The following ZFPM1 variants were observed in gnomAD, a reference collection of about 807,000 sequenced individuals.
ZFPM1 encodes the protein zinc finger protein ZFPM1.
In ZFPM1, 28 loss-of-function variants were observed where a neutral mutation model predicts 46.3. That is an observed-to-expected ratio of 0.60 (90% CI 0.45 to 0.83). The LOEUF (loss-of-function observed/expected upper bound fraction) is 0.83, where lower values mean the gene tolerates loss of function less well. Among genes scored for constraint, ZFPM1 ranks in the 40% least tolerant of loss-of-function variants. The pLI is 0.00. For missense variants in ZFPM1, 1,878 were observed against 1,432.4 expected (o/e 1.31, Z -5.02); for synonymous variants, 957 against 675.9 (o/e 1.42, Z -6.45).
chr16:88,507,373 A>G (rs1910720023), intron 3 of ZFPM1, among the ~76,000 whole-genome samples: 1 of 152,178 alleles, frequency 6.6e-6, no homozygotes, highest in African/African-American at 2.4e-5. Flanking sequence ...CATGGCCATC[A>G]GTGACCCAGC....
chr16:88,519,064 GGA>G, intron 4 of ZFPM1, among the ~76,000 whole-genome samples: 1 of 148,954 alleles, frequency 6.7e-6, no homozygotes. Flanking sequence ...ATGGATGGAT[GGA>G]TGGATGGATG....
intron 4 of ZFPM1, among the ~76,000 whole-genome samples, chr16:88,525,087 G>A (rs890696633): frequency 1.3e-5 from 2 of 152,272 alleles, no homozygotes; most frequent in African/African-American, 4.8e-5. Context: ...CCAGCCCAAA[G>A]GCTGTATCTT....
chr16:88,453,004 T>G (rs1907343952), upstream of ZFPM1, among the ~76,000 whole-genome samples: 1 of 146,452 alleles, frequency 6.8e-6, no homozygotes, highest in Non-Finnish European at 1.5e-5. Context: ...GCGGGGACAG[T>G]GCCTTGAAGG....
rs921289239 is a variant in ZFPM1 at position 88,506,395 on chromosome 16, C to T, written c.269-7992C>T. Reference sequence around the variant, plus strand: ...AGGGCGCTGGGGGGCCTTAGGCAGGCCCCTCCTTTGTTTCCCCTCAGTGAA... The same window carrying T: ...AGGGCGCTGGGGGGCCTTAGGCAGGTCCCTCCTTTGTTTCCCCTCAGTGAA... On this transcript the variant is annotated intron_variant, in intron 3 of 9. Transcript: ENST00000319555. Among the ~76,000 whole-genome samples the T allele has an allele frequency of 2.0e-5, 3 of 150,328 alleles. No homozygotes were observed. The East Asian group carries it at 6.0e-4, about 30-fold the overall frequency.
At chr16:88,506,594 G>C (rs965901621) in intron 3 of ZFPM1, among the ~76,000 whole-genome samples, 2 of 152,182 alleles carry the variant, frequency 1.3e-5, no homozygotes, top group Admixed American at 6.5e-5. Context: ...CTGAGGAGCA[G>C]AGCCATTTCC....
At chr16:88,525,564 A>G (rs923624052) in intron 4 of ZFPM1, among the ~76,000 whole-genome samples, 2 of 152,260 alleles carry the variant, frequency 1.3e-5, no homozygotes, top group Non-Finnish European at 2.9e-5. Flanking sequence ...CTGTGCCTCC[A>G]GATTGGACAC....
At chr16:88,483,957 C>T (rs530829399) in intron 1 of ZFPM1, among the ~76,000 whole-genome samples, 10 of 152,300 alleles carry the variant, frequency 6.6e-5, no homozygotes, top group African/African-American at 2.4e-4. Flanking sequence ...CTCGCATCTT[C>T]GGGGGTCTCT....
intron 3 of ZFPM1, among the ~76,000 whole-genome samples, chr16:88,491,739 G>T (rs1392117138): frequency 1.3e-5 from 2 of 152,226 alleles, no homozygotes; most frequent in African/African-American, 4.8e-5. Flanking sequence ...GGACCAGGCG[G>T]TGCCCTATCG....
In ZFPM1 at chr16:88,473,648, C is replaced by T. The variant is rs1908528781; in HGVS notation, c.41-12291C>T. ...CGGCGATGGCTCCGTGAGCCGCGGC[C>T]CCCGCCCCATCTATCAGCCCTTATC... On this transcript the variant is annotated intron_variant, in intron 1 of 9. Coordinates refer to ENST00000319555, the MANE Select transcript of ZFPM1 (RefSeq NM_153813.3). 2.0e-5 allele frequency among the ~76,000 whole-genome samples: 3 copies of T among 152,138 alleles called. No homozygotes were observed. The South Asian group carries it at 6.2e-4, about 31-fold the overall frequency.
chr16:88,514,422 C>A lies in ZFPM1; in HGVS notation c.304C>A (p.Arg102Ser). 6.4e-7 allele frequency: 1 copy of A among 1,561,032 alleles called. No homozygotes were observed. Among genetic ancestry groups the A allele is most frequent in the East Asian group, 2.4e-5 (1 of 41,940 alleles). ...LEPVVQDGQR[R>S]IRARLSLATG... Reference sequence around the variant, plus strand: ...GCCGGTGGTGCAGGATGGGCAGAGGCGCATACGGGCCCGACTCAGCCTCGC... The same window carrying A: ...GCCGGTGGTGCAGGATGGGCAGAGGAGCATACGGGCCCGACTCAGCCTCGC... Residue 102 changes from arginine to serine, a missense_variant, in exon 4 of 10, where the codon CGC becomes AGC. Transcript: ENST00000319555.
In ZFPM1 at chr16:88,489,086, G is replaced by A. The variant is rs151116544; in HGVS notation, c.201G>A (p.Glu67=). The change falls in exon 3 of 10, where the codon GAG becomes GAA. Residue 67 remains glutamate (E), a synonymous_variant. Coordinates refer to ENST00000319555, the MANE Select transcript of ZFPM1 (RefSeq NM_153813.3). The part of the protein sequence containing the change: ...PPPTSPGGPK[E]LEGQEPEPRP... ...CCACATCCCCAGGAGGCCCCAAGGA[G>A]CTGGAAGGACAGGAACCAGAACCCA... 2.6e-4 allele frequency: 424 copies of A among 1,613,172 alleles called. No individual in the cohort carries two copies. Among genetic ancestry groups the A allele is most frequent in the Non-Finnish European group, 1.2e-4 (143 of 1,179,806 alleles).
intron 3 of ZFPM1, among the ~76,000 whole-genome samples, chr16:88,511,020 C>A (rs1049197496): frequency 6.6e-6 from 1 of 152,174 alleles, no homozygotes; most frequent in Non-Finnish European, 1.5e-5. Context: ...TCTTCAGCTG[C>A]AGAGACAACC....
At chr16:88,481,368 C>T (rs1454674678) in intron 1 of ZFPM1, among the ~76,000 whole-genome samples, 1 of 152,144 alleles carries the variant, frequency 6.6e-6, no homozygotes, top group Non-Finnish European at 1.5e-5. Flanking sequence ...GGAAGGGCTA[C>T]GTGCTGGGTG....
At chr16:88,517,180 AGATGGATGGATGGATGGATG>A (rs72281150) in intron 4 of ZFPM1, among the ~76,000 whole-genome samples, 6 of 92,116 alleles carry the variant, frequency 6.5e-5, no homozygotes, top group Non-Finnish European at 6.7e-5. Flanking sequence ...ATGGATGGGT[AGATGGATGGATGGATGGATG>A]GATGGATGGA....
intron 1 of ZFPM1, among the ~76,000 whole-genome samples, chr16:88,455,930 T>G (rs1281898850): frequency 2.0e-5 from 3 of 152,114 alleles, no homozygotes; most frequent in African/African-American, 4.8e-5. Context: ...CGAGTCGATG[T>G]GAGCTCCGAT....
chr16:88,493,955 C>T (rs1909777334), intron 3 of ZFPM1, among the ~76,000 whole-genome samples: 1 of 152,204 alleles, frequency 6.6e-6, no homozygotes, highest in South Asian at 2.1e-4. Context: ...CCCTATAGTC[C>T]AGCCTCGCTG....
chr16:88,486,207 CG>C (rs1473308751), intron 2 of ZFPM1, among the ~76,000 whole-genome samples, 164 bp downstream of exon 2: 1 of 152,222 alleles, frequency 6.6e-6, no homozygotes, highest in African/African-American at 2.4e-5. Flanking sequence ...CGGAGGCCCT[CG>C]GTGGGGCTGG....
At position 88,477,426 on chromosome 16, in the gene ZFPM1, G is replaced by A. The variant is rs187034931; in HGVS notation, c.41-8513G>A. On this transcript the variant is annotated intron_variant, in intron 1 of 9. Transcript: ENST00000319555. ...GGGCCCTGGATTTTATTTGGGCTGC[G>A]TGTTACCACCATACCCATTTCCAGC... Among the ~76,000 whole-genome samples, 234 of 152,346 alleles carry A rather than the reference G, an allele frequency of 1.5e-3. 1 individual carries two copies. Among genetic ancestry groups the A allele is most frequent in the African/African-American group, 5.5e-3 (230 of 41,580 alleles).
At chr16:88,452,645 C>G (rs561416700), upstream of ZFPM1, among the ~76,000 whole-genome samples, 15 of 152,396 alleles carry the variant, frequency 9.8e-5, no homozygotes, top group African/African-American at 3.1e-4. Flanking sequence ...GTCAAGGCCT[C>G]GGGCTTCCTG....
Sources: allele counts gnomAD v4.1 joint callset (sites outside exome capture counted in the v4.1 genomes callset), GRCh38; gene constraint gnomAD v4.1.1; transcripts MANE v1.5; gene names NCBI Gene and HGNC (gene_info 2026-07-23, HGNC 2026-07-21).